PLCB1: variants seen among roughly 807,000 people sequenced by gnomAD.
PLCB1 encodes the protein 1-phosphatidylinositol 4,5-bisphosphate phosphodiesterase beta-1.
Under a neutral mutation model 161.8 loss-of-function variants are expected in PLCB1, and 46 were observed. That is an observed-to-expected ratio of 0.28 (90% CI 0.22 to 0.36). PLCB1 has a LOEUF of 0.36. PLCB1 is among the 10% of genes least tolerant of loss of function. The probability of loss-of-function intolerance (pLI) is 1.00; values close to 1 mark genes in which losing one functional copy is unlikely to be tolerated. For synonymous variants in PLCB1, 517 were observed against 503.7 expected (o/e 1.03, Z -0.35); for missense variants, 1,016 against 1,472.5 (o/e 0.69, Z 5.07).
intron 7 of PLCB1, among the ~76,000 whole-genome samples, chr20:8,656,564 A>G (rs575186824): frequency 6.6e-6 from 1 of 152,082 alleles, no homozygotes; most frequent in South Asian, 2.1e-4. Context: ...GGCCTTTTAT[A>G]TCAATGACTT....
At chr20:8,334,073 G>C (rs912876190) in intron 2 of PLCB1, among the ~76,000 whole-genome samples, 1 of 152,168 alleles carries the variant, frequency 6.6e-6, no homozygotes, top group African/African-American at 2.4e-5. Context: ...GCCGGGTGTG[G>C]TGGTGCATGC....
intron 2 of PLCB1, among the ~76,000 whole-genome samples, chr20:8,233,485 G>A (rs935667660): frequency 6.6e-6 from 1 of 152,034 alleles, no homozygotes; most frequent in African/African-American, 2.4e-5. Context: ...CGAAAATAGC[G>A]GAAACCCTCT....
At chr20:8,263,175 T>C (rs748360972) in intron 2 of PLCB1, among the ~76,000 whole-genome samples, 1 of 148,136 alleles carries the variant, frequency 6.8e-6, no homozygotes, top group African/African-American at 2.6e-5. Flanking sequence ...ATATCTATAG[T>C]ACCAAAAAAA....
At chr20:8,151,650 T>C (rs2051509701) in intron 2 of PLCB1, among the ~76,000 whole-genome samples, 1 of 152,196 alleles carries the variant, frequency 6.6e-6, no homozygotes, top group African/African-American at 2.4e-5. Flanking sequence ...TGTAAAACAA[T>C]GGCTTGCAAG....
intron 4 of PLCB1, among the ~76,000 whole-genome samples, chr20:8,637,767 T>C (rs2123252789): frequency 6.6e-6 from 1 of 152,344 alleles, no homozygotes; most frequent in South Asian, 2.1e-4. Flanking sequence ...TAGCAGAAAA[T>C]TATAGTTGCA....
chr20:8,752,188 G>A (rs190619068), intron 23 of PLCB1: 7 of 152,124 alleles, frequency 4.6e-5, no homozygotes, highest in East Asian at 3.9e-4. Context: ...TTATTATTAC[G>A]GTTCCTTAAG....
intron 3 of PLCB1, among the ~76,000 whole-genome samples, chr20:8,492,848 ATGTGTG>A (rs10536329): frequency 2.1e-3 from 301 of 145,136 alleles, no homozygotes; most frequent in African/African-American, 6.7e-3. Flanking sequence ...ATATATATAT[ATGTGTG>A]TGTGTGTGTG....
At chr20:8,137,505 G>A (rs570987213) in intron 1 of PLCB1, among the ~76,000 whole-genome samples, 1 of 152,206 alleles carries the variant, frequency 6.6e-6, no homozygotes, top group African/African-American at 2.4e-5. Context: ...TGTCCAAAGA[G>A]CTTTGAGAAT....
rs772786871 is a variant in PLCB1 at position 8,881,691 on chromosome 20, G to T, written c.3493G>T (p.Val1165Leu). Residue 1165 changes from valine (V) to leucine (L), a missense_variant, in exon 32 of 32, where the codon GTG (valine) becomes TTG (leucine). Physicochemically the swap from Val to Leu is conservative, Grantham distance 32 (BLOSUM62 1). This residue lies in a region of PLCB1 where 398 missense variants were observed against 445.4 expected (regional missense o/e 0.89). Transcript: ENST00000338037. ...KRLPLEILEF[V>L]QEAMKGKISE... ...ACTGCCCCTCGAGATTTTGGAATTC[G>T]TGCAGGAAGCCATGAAAGGAAAGAT... 11 of 1,613,892 alleles carry T rather than the reference G, an allele frequency of 6.8e-6. No individual in the cohort carries two copies. The highest frequency in any genetic ancestry group is 3.4e-6 in the Non-Finnish European group (4 of 1,179,954).
At chr20:8,878,857 A>G (rs1987873112) in intron 31 of PLCB1, among the ~76,000 whole-genome samples, 1 of 152,088 alleles carries the variant, frequency 6.6e-6, no homozygotes. Flanking sequence ...TGTAACATAT[A>G]TGTATGAGTA....
At chr20:8,523,693 C>A (rs950144364) in intron 3 of PLCB1, among the ~76,000 whole-genome samples, 1 of 151,072 alleles carries the variant, frequency 6.6e-6, no homozygotes, top group Non-Finnish European at 1.5e-5. Context: ...TACTGAACAA[C>A]ACTTTTAAAC....
intron 31 of PLCB1, among the ~76,000 whole-genome samples, chr20:8,853,754 A>G (rs923711969): frequency 7.2e-5 from 11 of 152,230 alleles, no homozygotes; most frequent in African/African-American, 2.7e-4. Flanking sequence ...AGATTCTCTT[A>G]CTTTTGTGTG....
chr20:8,630,152 A>T lies in PLCB1; in HGVS notation c.384+1721A>T, dbSNP rs1267568647. On this transcript the variant is annotated intron_variant, in intron 4 of 31. Transcript: ENST00000338037. ...GTGCAGGTAGTGGCTCCTGCACTCC[A>T]CTTGGCTCACTTCAACCTCTGCCTC... Among the ~76,000 whole-genome samples the T allele has an allele frequency of 2.8e-5, 4 of 143,034 alleles. No homozygotes were observed. The Admixed American group carries it at 2.9e-4, about 10-fold the overall frequency. 93.8% of individuals were successfully genotyped at this position (143,034 alleles called of 152,430 possible).
intron 27 of PLCB1, among the ~76,000 whole-genome samples, chr20:8,783,959 A>G (rs8114965): frequency 0.025 from 3,747 of 152,262 alleles, 133 homozygotes; most frequent in African/African-American, 0.085. Context: ...TCCCAAGGGA[A>G]GCATGTGGGT....
chr20:8,317,907 C>A (rs1984731569), intron 2 of PLCB1, among the ~76,000 whole-genome samples: 1 of 151,852 alleles, frequency 6.6e-6, no homozygotes, highest in African/African-American at 2.4e-5. Flanking sequence ...GTTTGAAACT[C>A]TCTTTTTTTA....
chr20:8,279,326 G>A (rs542881659), intron 2 of PLCB1, among the ~76,000 whole-genome samples: 69 of 152,264 alleles, frequency 4.5e-4, no homozygotes, highest in Non-Finnish European at 8.8e-4. Flanking sequence ...ATATTTCCTA[G>A]AAGACAGATG....
intron 3 of PLCB1, among the ~76,000 whole-genome samples, chr20:8,488,410 T>C (rs1434956804): frequency 2.0e-5 from 3 of 152,176 alleles, no homozygotes; most frequent in Non-Finnish European, 2.9e-5. Flanking sequence ...CTTACAGGTT[T>C]CCCCTAAATG....
intron 1 of PLCB1, among the ~76,000 whole-genome samples, chr20:8,137,604 T>C (rs2051362078): frequency 6.6e-6 from 1 of 152,184 alleles, no homozygotes; most frequent in South Asian, 2.1e-4. Context: ...TGAAACTTTT[T>C]AAAAAATCAG....
At chr20:8,346,653 C>T (rs932686302) in intron 2 of PLCB1, among the ~76,000 whole-genome samples, 2 of 152,156 alleles carry the variant, frequency 1.3e-5, no homozygotes, top group African/African-American at 4.8e-5. Flanking sequence ...TCTTAACCTG[C>T]CTTGCAAGAA....
Sources: gnomAD v4.1 joint callset for allele counts (sites outside exome capture counted in the v4.1 genomes callset) on GRCh38, gnomAD v4.1.1 for gene constraint, gnomAD v4.1.1 regional missense constraint, MANE v1.5 for transcripts, NCBI Gene and HGNC (gene_info 2026-07-23, HGNC 2026-07-21) for gene names.